Variants in OSBPL10 observed in about 807,000 individuals in gnomAD.
OSBPL10 encodes oxysterol-binding protein-related protein 10.
Under a neutral mutation model 81.7 loss-of-function variants are expected in OSBPL10, and 49 were observed. The observed-to-expected ratio is 0.60, with a 90% CI of 0.48 to 0.76. The LOEUF is 0.76. Among genes scored for constraint, OSBPL10 ranks in the 30% least tolerant of loss-of-function variants. The pLI, the probability that OSBPL10 is intolerant of heterozygous loss-of-function variation, is 0.00. For synonymous variants in OSBPL10, 419 were observed against 383.6 expected (o/e 1.09, Z -1.08); for missense variants, 923 against 987.8 (o/e 0.93, Z 0.88).
chr3:31,988,798 T>C (rs147630801), intron 2 of OSBPL10: 21 of 482,760 alleles, frequency 4.3e-5, no homozygotes, highest in Non-Finnish European at 6.3e-5. Flanking sequence ...CTAACAGCCA[T>C]GTGAGTGACC....
chr3:31,807,945 TATA>T (rs1400266111), intron 4 of OSBPL10, among the ~76,000 whole-genome samples: 1 of 152,192 alleles, frequency 6.6e-6, no homozygotes, highest in East Asian at 1.9e-4. Context: ...TGGGCCATGA[TATA>T]ATGACTTATT....
At chr3:31,957,573 A>C (rs774735684) in intron 1 of OSBPL10, among the ~76,000 whole-genome samples, 3 of 152,210 alleles carry the variant, frequency 2.0e-5, no homozygotes, top group Admixed American at 6.5e-5. Flanking sequence ...GAACCTTGCC[A>C]TTCGTGGAGA....
intron 4 of OSBPL10, among the ~76,000 whole-genome samples, chr3:31,748,459 C>A (rs1342623446): frequency 6.6e-6 from 1 of 152,074 alleles, no homozygotes; most frequent in Non-Finnish European, 1.5e-5. Context: ...CCTTCTTCTA[C>A]GGAAGGTTAT....
At chr3:31,904,615 A>C (rs1303381402) in intron 1 of OSBPL10, among the ~76,000 whole-genome samples, 3 of 152,090 alleles carry the variant, frequency 2.0e-5, no homozygotes, top group Non-Finnish European at 4.4e-5. Flanking sequence ...CAGAGTAAAA[A>C]CACAAAACCC....
chr3:31,769,511 T>G (rs1227648173), intron 4 of OSBPL10, among the ~76,000 whole-genome samples: 1 of 138,886 alleles, frequency 7.2e-6, no homozygotes, highest in Non-Finnish European at 1.5e-5. Context: ...TAAAAATATA[T>G]TTTTATATTA....
chr3:31,731,964 C>T (rs1477584494), intron 6 of OSBPL10, among the ~76,000 whole-genome samples: 3 of 152,164 alleles, frequency 2.0e-5, no homozygotes, highest in African/African-American at 7.2e-5. Context: ...GGAGGATTTA[C>T]AAAGTCAGAA....
At chr3:31,679,070 G>A (rs768365554) in intron 8 of OSBPL10, among the ~76,000 whole-genome samples, 18 of 151,898 alleles carry the variant, frequency 1.2e-4, no homozygotes, top group African/African-American at 2.9e-4. Flanking sequence ...TCCCAGCCAC[G>A]CACTCACTGC....
chr3:31,739,413 T>A (rs143996343), intron 5 of OSBPL10, among the ~76,000 whole-genome samples: 327 of 152,300 alleles, frequency 2.1e-3, no homozygotes, highest in African/African-American at 7.2e-3. Flanking sequence ...AGATTGAATG[T>A]CTATGTTCCC....
At chr3:31,740,760 A>G (rs1697316453) in intron 5 of OSBPL10, among the ~76,000 whole-genome samples, 1 of 151,116 alleles carries the variant, frequency 6.6e-6, no homozygotes, top group African/African-American at 2.5e-5. Context: ...CCTGGGCAAC[A>G]TAGTGAGACT....
chr3:31,794,165 A>ACAGAGTCTT (rs993408066), intron 4 of OSBPL10, among the ~76,000 whole-genome samples: 1 of 152,172 alleles, frequency 6.6e-6, no homozygotes, highest in African/African-American at 2.4e-5. Flanking sequence ...TTGTTTTGAG[A>ACAGAGTCTT]CAGAGTCTTG....
chr3:31,984,438 G>C (rs760757783), upstream of OSBPL10, among the ~76,000 whole-genome samples: 4 of 151,866 alleles, frequency 2.6e-5, no homozygotes, highest in Admixed American at 2.0e-4. Flanking sequence ...ATAGAGAGTC[G>C]AAGTTTGTCT....
chr3:31,819,911 G>T (rs1048666726), intron 4 of OSBPL10, among the ~76,000 whole-genome samples: 4 of 152,184 alleles, frequency 2.6e-5, no homozygotes, highest in African/African-American at 4.8e-5. Context: ...CTTCCTTAAG[G>T]AAGAAATTCC....
intron 5 of OSBPL10, among the ~76,000 whole-genome samples, chr3:31,745,130 C>A (rs193201906): frequency 6.6e-6 from 1 of 152,186 alleles, no homozygotes; most frequent in Non-Finnish European, 1.5e-5. Context: ...CAGGTTTGGG[C>A]GCCCTTGCTC....
At chr3:31,695,119 C>T (rs1335812253) in intron 7 of OSBPL10, among the ~76,000 whole-genome samples, 1 of 152,162 alleles carries the variant, frequency 6.6e-6, no homozygotes, top group African/African-American at 2.4e-5. Context: ...AGGTTAGGGA[C>T]CTCACCACCG....
rs1278090768 is a variant in OSBPL10, at chr3:31,769,459, CAAAAAAA to C, written c.730-21346_730-21340del. ...AAACTCCATCTCAAAAAAAAAAAAA[CAAAAAAA>C]AAACAAAAAAAAACAGAATAAAAAT... On this transcript the variant is annotated intron_variant, in intron 4 of 11. Transcript: ENST00000396556. Among the ~76,000 whole-genome samples, 7 of 36,042 alleles carry C rather than the reference CAAAAAAA, an allele frequency of 1.9e-4. 1 individual carries two copies. Among genetic ancestry groups the C allele is most frequent in the African/African-American group, 5.9e-4 (7 of 11,926 alleles). 23.6% of individuals were successfully genotyped at this position (36,042 alleles called of 152,430 possible).
intron 1 of OSBPL10, among the ~76,000 whole-genome samples, chr3:31,885,641 C>T (rs1695710468): frequency 6.6e-6 from 1 of 151,942 alleles, no homozygotes; most frequent in South Asian, 2.1e-4. Flanking sequence ...GGAACTGGGC[C>T]TAGGATTTCA....
chr3:31,896,917 G>A (rs998965757), intron 1 of OSBPL10, among the ~76,000 whole-genome samples: 4 of 152,070 alleles, frequency 2.6e-5, no homozygotes, highest in African/African-American at 4.8e-5. Flanking sequence ...ACCTTCTCTC[G>A]CCACGTCATC....
At chr3:31,990,945 C>G (rs1373529883) in intron 2 of OSBPL10, 1 of 1,575,770 alleles carries the variant, frequency 6.3e-7, no homozygotes, top group African/African-American at 1.4e-5. Flanking sequence ...AGAAATCTTA[C>G]AAATGTCATA....
chr3:31,938,526 T>G (rs1395193279), intron 1 of OSBPL10, among the ~76,000 whole-genome samples: 2 of 152,124 alleles, frequency 1.3e-5, no homozygotes, highest in Non-Finnish European at 1.5e-5. Context: ...TGTTTGTTTG[T>G]TTAGATAGAG....
Sources: allele counts gnomAD v4.1 joint callset (sites outside exome capture counted in the v4.1 genomes callset), GRCh38; gene constraint gnomAD v4.1.1; transcripts MANE v1.5; gene names NCBI Gene and HGNC (gene_info 2026-07-23, HGNC 2026-07-21).